PDE4D: variants seen among roughly 807,000 people sequenced by gnomAD.
PDE4D encodes 3',5'-cyclic-AMP phosphodiesterase 4D.
In PDE4D, 24 loss-of-function variants were observed where a neutral mutation model predicts 87.4. That is an observed-to-expected ratio of 0.27 (90% confidence interval 0.20 to 0.39). The LOEUF (loss-of-function observed/expected upper bound fraction) is 0.39, where lower values mean the gene tolerates loss of function less well. Among genes scored for constraint, PDE4D ranks in the 10% least tolerant of loss-of-function variants. The probability of loss-of-function intolerance (pLI) is 1.00; values close to 1 mark genes in which losing one functional copy is unlikely to be tolerated. For missense variants in PDE4D, 714 were observed against 1,041.0 expected, an observed-to-expected ratio of 0.69 and a Z score of 4.32; for synonymous variants, 384 against 383.2, an observed-to-expected ratio of 1.00 and a Z score of -0.02.
intron 1 of PDE4D, among the ~76,000 whole-genome samples, chr5:60,392,485 T>C (rs898559258): frequency 2.6e-5 from 4 of 152,230 alleles, no homozygotes; most frequent in Admixed American, 6.5e-5. Context: ...TAGTTAATTG[T>C]ATATTTCCTT....
At chr5:60,262,724 A>G (rs1262890439) in intron 1 of PDE4D, among the ~76,000 whole-genome samples, 1 of 152,188 alleles carries the variant, frequency 6.6e-6, no homozygotes, top group Non-Finnish European at 1.5e-5. Flanking sequence ...TGCACTGATG[A>G]TGTACATTTA....
intron 5 of PDE4D, among the ~76,000 whole-genome samples, chr5:59,140,008 G>A (rs1248339864): frequency 6.6e-6 from 1 of 152,178 alleles, no homozygotes; most frequent in Non-Finnish European, 1.5e-5. Context: ...GATGTAAATT[G>A]CAGAACTAAA....
chr5:59,471,096 A>G (rs1802367484), intron 1 of PDE4D, among the ~76,000 whole-genome samples: 1 of 152,112 alleles, frequency 6.6e-6, no homozygotes, highest in Non-Finnish European at 1.5e-5. Context: ...TAAAAAATAC[A>G]TAGCCAGGAA....
chr5:59,107,122 C>G (rs2153436427), intron 5 of PDE4D, among the ~76,000 whole-genome samples: 1 of 151,918 alleles, frequency 6.6e-6, no homozygotes, highest in East Asian at 1.9e-4. Context: ...TGTGTGTGTG[C>G]TTGTGTGTGT....
intron 1 of PDE4D, among the ~76,000 whole-genome samples, chr5:59,710,519 TCATAA>T (rs1481186822): frequency 1.3e-5 from 2 of 152,190 alleles, no homozygotes; most frequent in African/African-American, 4.8e-5. Context: ...ATCCTTGTTC[TCATAA>T]CAGGGAAAAT....
chr5:59,057,881 C>G (rs1395284452), intron 5 of PDE4D, among the ~76,000 whole-genome samples: 4 of 152,158 alleles, frequency 2.6e-5, no homozygotes, highest in African/African-American at 7.2e-5. Context: ...GCCATATTAT[C>G]TAGCATTAGT....
chr5:59,549,212 G>C (rs1817731420), intron 1 of PDE4D, among the ~76,000 whole-genome samples: 1 of 152,156 alleles, frequency 6.6e-6, no homozygotes, highest in Admixed American at 6.5e-5. Flanking sequence ...CTTTTAGAAA[G>C]CTACTTTTTC....
At chr5:59,351,072 T>C (rs73092960) in intron 1 of PDE4D, among the ~76,000 whole-genome samples, 2,243 of 152,332 alleles carry the variant, frequency 0.015, 58 homozygotes, top group African/African-American at 0.05. Context: ...ATTTGTGAAA[T>C]GTTAGTGAAG....
intron 1 of PDE4D, among the ~76,000 whole-genome samples, chr5:60,398,413 G>A (rs1011752905): frequency 2.0e-5 from 3 of 152,160 alleles, no homozygotes; most frequent in African/African-American, 4.8e-5. Flanking sequence ...TTCCAGATTA[G>A]GGTTGACATT....
intron 1 of PDE4D, among the ~76,000 whole-genome samples, chr5:59,661,074 TTA>T (rs3062479): frequency 0.18 from 24,621 of 139,982 alleles, 2,585 homozygotes; most frequent in South Asian, 0.25. Context: ...CATGATAATA[TTA>T]TATATATATA....
intron 5 of PDE4D, among the ~76,000 whole-genome samples, chr5:59,156,318 A>ATATATATAT (rs530343458): frequency 4.5e-3 from 95 of 21,260 alleles, no homozygotes; most frequent in African/African-American, 0.012. Context: ...AGAAAAAAAA[A>ATATATATAT]AAATATATAT....
intron 5 of PDE4D, among the ~76,000 whole-genome samples, chr5:59,165,365 C>T (rs1781767671): frequency 6.6e-6 from 1 of 152,182 alleles, no homozygotes; most frequent in Non-Finnish European, 1.5e-5. Context: ...CCTCTGCCTC[C>T]CAGGTTCAAG....
rs545514125 is a variant in PDE4D, at chr5:60,071,272, G to A, written c.43-82555C>T. Among the ~76,000 whole-genome samples, 4 of 151,904 alleles carry A rather than the reference G, an allele frequency of 2.6e-5. 1 individual carries two copies. The highest frequency in any genetic ancestry group is 9.6e-5 in the African/African-American group (4 of 41,456). On this transcript the variant is annotated intron_variant, in intron 2 of 16. Coordinates refer to the PDE4D transcript ENST00000502484. ...TGTTATTGTTCTACTTCCTTGAGATGTAGTATTAAATTGTTTAAGATTTTT... is the reference window on the plus strand; with the variant it reads ...TGTTATTGTTCTACTTCCTTGAGATATAGTATTAAATTGTTTAAGATTTTT...
chr5:60,113,277 T>C (rs1326887049), intron 2 of PDE4D, among the ~76,000 whole-genome samples: 1 of 152,094 alleles, frequency 6.6e-6, no homozygotes, highest in Non-Finnish European at 1.5e-5. Context: ...CTTAAGAAAC[T>C]GTAACTTTTT....
chr5:59,816,089 A>T (rs13186506), intron 1 of PDE4D, among the ~76,000 whole-genome samples: 22,465 of 151,918 alleles, frequency 0.15, 2,002 homozygotes, highest in African/African-American at 0.24. Context: ...GAAGTGTCAC[A>T]TGAGGCATAT....
intron 1 of PDE4D, among the ~76,000 whole-genome samples, chr5:59,417,531 C>A: frequency 6.6e-6 from 1 of 151,468 alleles, no homozygotes; most frequent in Non-Finnish European, 1.5e-5. Flanking sequence ...AAAGAAAAAG[C>A]TGTTACCTTT....
At chr5:59,383,274 T>C (rs6889851) in intron 1 of PDE4D, among the ~76,000 whole-genome samples, 19,082 of 151,902 alleles carry the variant, frequency 0.13, 3,634 homozygotes, top group African/African-American at 0.41. Flanking sequence ...ATCTCACTTA[T>C]GTCCCCTCAC....
At chr5:59,107,109 G>C (rs1025799694) in intron 5 of PDE4D, among the ~76,000 whole-genome samples, 6 of 152,020 alleles carry the variant, frequency 3.9e-5, no homozygotes, top group Middle Eastern at 3.4e-3. Flanking sequence ...AGCTACATCT[G>C]TGTGTGTGTG....
chr5:59,110,824 A>G (rs1414019725), intron 5 of PDE4D, among the ~76,000 whole-genome samples: 1 of 152,190 alleles, frequency 6.6e-6, no homozygotes, highest in Non-Finnish European at 1.5e-5. Flanking sequence ...GTGAGCTGAG[A>G]TGGTGCCACT....
Sources: gnomAD v4.1 joint callset for allele counts (sites outside exome capture counted in the v4.1 genomes callset) on GRCh38, gnomAD v4.1.1 for gene constraint, MANE v1.5 for transcripts, NCBI Gene and HGNC (gene_info 2026-07-23, HGNC 2026-07-21) for gene names.